SNTG1: variants seen among roughly 807,000 people sequenced by gnomAD.
SNTG1 encodes the protein syntrophin gamma 1.
A neutral mutation model predicts 74.7 loss-of-function variants in SNTG1; 39 were observed. The observed-to-expected ratio is 0.52, with a 90% CI of 0.40 to 0.68. SNTG1 has a LOEUF of 0.68. Among genes scored for constraint, SNTG1 ranks in the 30% least tolerant of loss-of-function variants. The pLI, the probability that SNTG1 is intolerant of heterozygous loss-of-function variation, is 0.00. For synonymous variants in SNTG1, 254 were observed against 217.1 expected, an observed-to-expected ratio of 1.17 and a Z score of -1.49; for missense variants, 685 against 609.5, an observed-to-expected ratio of 1.12 and a Z score of -1.30.
chr8:50,675,134 A>G (rs527857515), intron 15 of SNTG1, among the ~76,000 whole-genome samples: 1 of 152,126 alleles, frequency 6.6e-6, no homozygotes, highest in African/African-American at 2.4e-5. Context: ...AGAATAATGT[A>G]TTTTCTGCTG....
At chr8:50,297,270 C>T (rs1213956057) in intron 2 of SNTG1, among the ~76,000 whole-genome samples, 4 of 152,094 alleles carry the variant, frequency 2.6e-5, no homozygotes, top group Non-Finnish European at 5.9e-5. Context: ...TTTTCTTATA[C>T]ATGCATGCCT....
chr8:50,236,028 C>G (rs908249152), intron 2 of SNTG1, among the ~76,000 whole-genome samples: 2 of 152,016 alleles, frequency 1.3e-5, no homozygotes, highest in Non-Finnish European at 2.9e-5. Context: ...CTAAAAGAGC[C>G]GTGTAGTTGT....
intron 12 of SNTG1, among the ~76,000 whole-genome samples, chr8:50,558,933 G>A (rs2094471793): frequency 2.0e-5 from 3 of 152,092 alleles, no homozygotes; most frequent in African/African-American, 7.2e-5. Flanking sequence ...TGCCTATGAT[G>A]TGTCAGATAC....
At chr8:50,233,401 G>GA (rs1203390004) in intron 2 of SNTG1, among the ~76,000 whole-genome samples, 6 of 151,316 alleles carry the variant, frequency 4.0e-5, no homozygotes, top group Non-Finnish European at 8.9e-5. Flanking sequence ...TCATGTAAAA[G>GA]AAAAAAATAA....
intron 1 of SNTG1, among the ~76,000 whole-genome samples, chr8:49,941,870 G>T (rs1223675005): frequency 6.6e-6 from 1 of 152,112 alleles, no homozygotes; most frequent in Non-Finnish European, 1.5e-5. Context: ...TTATTTACTT[G>T]TTTTTAGATT....
chr8:50,179,146 A>G (rs1316006302), intron 2 of SNTG1, among the ~76,000 whole-genome samples: 1 of 151,526 alleles, frequency 6.6e-6, no homozygotes, highest in Non-Finnish European at 1.5e-5. Flanking sequence ...TGGGCTCTCT[A>G]CTCTGTTCCA....
intron 15 of SNTG1, among the ~76,000 whole-genome samples, chr8:50,698,802 A>G (rs1011821965): frequency 1.3e-5 from 2 of 152,044 alleles, no homozygotes. Flanking sequence ...TCTAGGGCTT[A>G]GAAAAGTCAT....
intron 12 of SNTG1, among the ~76,000 whole-genome samples, chr8:50,564,197 T>C (rs2094503557): frequency 6.6e-6 from 1 of 152,036 alleles, no homozygotes; most frequent in South Asian, 2.1e-4. Context: ...TTCCTTGTCC[T>C]GGTCGCTGTC....
chr8:50,764,482 G>T (rs560687486), intron 18 of SNTG1, among the ~76,000 whole-genome samples: 5 of 151,900 alleles, frequency 3.3e-5, no homozygotes, highest in Non-Finnish European at 7.4e-5. Flanking sequence ...TTTCTCAAAA[G>T]AAGACATAAT....
intron 12 of SNTG1, among the ~76,000 whole-genome samples, chr8:50,570,976 C>T (rs2130760907): frequency 6.6e-6 from 1 of 152,192 alleles, no homozygotes; most frequent in Middle Eastern, 3.4e-3. Flanking sequence ...ACTCCCACCA[C>T]CAGCGTACAA....
chr8:50,151,358 A>T (rs1395759307), intron 1 of SNTG1, among the ~76,000 whole-genome samples: 1 of 152,046 alleles, frequency 6.6e-6, no homozygotes, highest in Non-Finnish European at 1.5e-5. Flanking sequence ...TTTTCAAAAA[A>T]CCAGCTCCCG....
chr8:50,095,072 C>T (rs984865496), intron 1 of SNTG1, among the ~76,000 whole-genome samples: 7 of 152,132 alleles, frequency 4.6e-5, no homozygotes, highest in Non-Finnish European at 7.3e-5. Context: ...CCAAATACCG[C>T]ATATTCTCAC....
intron 1 of SNTG1, among the ~76,000 whole-genome samples, chr8:50,039,191 C>A (rs1818410389): frequency 6.6e-6 from 1 of 152,184 alleles, no homozygotes; most frequent in Admixed American, 6.5e-5. Flanking sequence ...CGTGGTGGCT[C>A]ATGCCTGTAA....
In SNTG1 at chr8:50,671,379, C is replaced by T. The variant is rs573886740; in HGVS notation, c.1038+12716C>T. Among the ~76,000 whole-genome samples the T allele has an allele frequency of 5.7e-4, 86 of 151,636 alleles. 1 individual carries two copies. The highest frequency in any genetic ancestry group is 3.4e-3 in the Middle Eastern group (1 of 292). On this transcript the variant is annotated intron_variant, in intron 15 of 18. Transcript: ENST00000642720. ...ACAAACAACCCCATCAAAAAGTGGGCGAAGGACATGAACAGACACTTCTCA... is the reference window on the plus strand; with the variant it reads ...ACAAACAACCCCATCAAAAAGTGGGTGAAGGACATGAACAGACACTTCTCA...
chr8:50,457,795 A>T (rs1212245952), intron 8 of SNTG1: 1 of 152,196 alleles, frequency 6.6e-6, no homozygotes, highest in Admixed American at 6.5e-5. Flanking sequence ...GTAGCCAAGA[A>T]CAGGCAATCG....
intron 9 of SNTG1, among the ~76,000 whole-genome samples, chr8:50,518,689 A>G (rs1316208282): frequency 6.6e-6 from 1 of 152,220 alleles, no homozygotes; most frequent in Non-Finnish European, 1.5e-5. Flanking sequence ...CTATGCAAAT[A>G]AACTAGAAAA....
intron 13 of SNTG1, among the ~76,000 whole-genome samples, chr8:50,619,663 G>A (rs994455775): frequency 1.3e-5 from 2 of 151,380 alleles, no homozygotes; most frequent in African/African-American, 4.9e-5. Flanking sequence ...CCCGGGAGGC[G>A]GAGGTTGCAG....
intron 13 of SNTG1, among the ~76,000 whole-genome samples, chr8:50,605,147 T>A (rs920394623): frequency 6.6e-6 from 1 of 152,182 alleles, no homozygotes; most frequent in African/African-American, 2.4e-5. Flanking sequence ...CTCTTCCTGC[T>A]CCTGTCTTGA....
At chr8:49,963,780 A>C (rs1810903560) in intron 1 of SNTG1, among the ~76,000 whole-genome samples, 1 of 152,202 alleles carries the variant, frequency 6.6e-6, no homozygotes, top group Non-Finnish European at 1.5e-5. Context: ...GAGTTTTAAA[A>C]CTTCATGAAA....
Sources: allele counts gnomAD v4.1 joint callset (sites outside exome capture counted in the v4.1 genomes callset), GRCh38; gene constraint gnomAD v4.1.1; transcripts MANE v1.5; gene names NCBI Gene and HGNC (gene_info 2026-07-23, HGNC 2026-07-21).